RCC2: variants seen among roughly 807,000 people sequenced by gnomAD.
RCC2 encodes the protein regulator of chromosome condensation 2, also known as protein RCC2.
In RCC2, 19 loss-of-function variants were observed where a neutral mutation model predicts 64.1. That is an observed-to-expected ratio of 0.30 (90% CI 0.21 to 0.44). The LOEUF is 0.44. Among genes scored for constraint, RCC2 ranks in the 20% least tolerant of loss-of-function variants. The pLI, the probability that RCC2 is intolerant of heterozygous loss-of-function variation, is 1.00. For synonymous variants in RCC2, 325 were observed against 279.6 expected (o/e 1.16, Z -1.62); for missense variants, 508 against 710.4 (o/e 0.72, Z 3.24).
intron 7 of RCC2, among the ~76,000 whole-genome samples, chr1:17,420,027 G>C (rs1466096746): frequency 6.6e-6 from 1 of 152,216 alleles, no homozygotes; most frequent in South Asian, 2.1e-4. Flanking sequence ...GCGGCCAGCA[G>C]AGGGCGCCCG....
intron 2 of RCC2, among the ~76,000 whole-genome samples, chr1:17,433,398 C>T (rs12059385): frequency 3.9e-5 from 6 of 152,154 alleles, no homozygotes; most frequent in African/African-American, 7.2e-5. Flanking sequence ...GAGACTCCCG[C>T]GCTTGCGGGC....
At chr1:17,432,543 A>C (rs186243111) in intron 2 of RCC2, among the ~76,000 whole-genome samples, 1 of 152,348 alleles carries the variant, frequency 6.6e-6, no homozygotes, top group Admixed American at 6.5e-5. Flanking sequence ...GAACCATTGA[A>C]GTCAAACCAC....
rs779376729 is a variant in RCC2 at position 17,438,488 on chromosome 1, C to A, written c.27G>T (p.Ala9=). The change falls in exon 2 of 13, where the codon GCG becomes GCT. Residue 9 remains alanine, a synonymous_variant. Coordinates refer to ENST00000375436, the MANE Select transcript of RCC2 (RefSeq NM_018715.4). ...TGCCCGAGCTCGGCTCCTCCCAGGC[C>A]GCCGCCGCCGCCTTCTTCCTGGGCA... MPRKKAAA[A]AWEEPSSGNG... The A allele has an allele frequency of 1.7e-4, 221 of 1,334,100 alleles. No individual in the cohort carries two copies. Among genetic ancestry groups the A allele is most frequent in the Non-Finnish European group, 2.0e-4 (212 of 1,044,830 alleles). 82.6% of individuals were successfully genotyped at this position (1,334,100 alleles called of 1,614,324 possible).
intron 7 of RCC2, among the ~76,000 whole-genome samples, chr1:17,418,111 A>G (rs1000552759): frequency 1.3e-5 from 2 of 152,180 alleles, no homozygotes; most frequent in Non-Finnish European, 2.9e-5. Context: ...CCAGGTTACC[A>G]AGGAGCAACT....
chr1:17,433,347 T>C (rs1042129933), intron 2 of RCC2, among the ~76,000 whole-genome samples: 7 of 152,156 alleles, frequency 4.6e-5, no homozygotes, highest in African/African-American at 1.7e-4. Flanking sequence ...ACTTAAGGGG[T>C]GCTCCTCTTC....
chr1:17,421,435 C>T (rs1214611057), intron 6 of RCC2, among the ~76,000 whole-genome samples: 1 of 151,630 alleles, frequency 6.6e-6, no homozygotes, highest in Non-Finnish European at 1.5e-5. Flanking sequence ...GCAGAGGTTG[C>T]AGTGAGCTGA....
chr1:17,413,775 G>T, intron 8 of RCC2, 58 bp from the exon 9 acceptor site: 1 of 1,484,668 alleles, frequency 6.7e-7, no homozygotes, highest in South Asian at 1.2e-5. Flanking sequence ...GCAACAAGAG[G>T]GGTCATCGTT....
At chr1:17,430,251 T>G (rs908371333) in intron 2 of RCC2, among the ~76,000 whole-genome samples, 2 of 152,222 alleles carry the variant, frequency 1.3e-5, no homozygotes, top group African/African-American at 4.8e-5. Flanking sequence ...GCGCAATGGC[T>G]CACGCCTGTA....
chr1:17,425,768 T>G, intron 3 of RCC2, 84 bp from the exon 4 acceptor site: 1 of 1,428,676 alleles, frequency 7.0e-7, no homozygotes, highest in Non-Finnish European at 9.6e-7. Flanking sequence ...AGCAGCCACT[T>G]CCCGAGGGTA....
intron 11 of RCC2, among the ~76,000 whole-genome samples, chr1:17,410,261 G>A (rs1336164470): frequency 5.9e-5 from 9 of 152,292 alleles, no homozygotes; most frequent in East Asian, 5.8e-4. Context: ...GGCGACTAGC[G>A]CTTAACCTAA....
rs1314583050 is a variant in RCC2 at position 17,413,085 on chromosome 1, C to T, written c.1301G>A (p.Ser434Asn). 1 of 1,613,364 alleles carries T rather than the reference C, an allele frequency of 6.2e-7. No individual in the cohort carries two copies. The highest frequency in any genetic ancestry group is 2.2e-5 in the East Asian group (1 of 44,878). Residue 434 changes from serine (S) to asparagine (N), a missense_variant, in exon 10 of 13, where the codon AGC becomes AAC. Around this residue, in one of 4 missense-constraint regions of RCC2, gnomAD observed 179 missense variants for 322.0 expected, o/e 0.56. Coordinates refer to ENST00000375436, the MANE Select transcript of RCC2 (RefSeq NM_018715.4). ...TGCTGCCACCTACCCACAAGCCAGG[C>T]TCCGGATTCTCCAGCCGCAGAGGTC... ...VQDLCGWRIRSLACGKSSIIV... is the reference protein window; with the variant it reads ...VQDLCGWRIRNLACGKSSIIV...
intron 2 of RCC2, among the ~76,000 whole-genome samples, chr1:17,431,690 C>CTAT (rs1447611970): frequency 2.6e-5 from 4 of 151,720 alleles, no homozygotes; most frequent in Non-Finnish European, 5.9e-5. Context: ...CGACCCAAAC[C>CTAT]TGATTAGGGC....
chr1:17,428,983 G>T, intron 3 of RCC2, 123 bp downstream of exon 3: 2 of 764,564 alleles, frequency 2.6e-6, no homozygotes, highest in Non-Finnish European at 4.6e-6. Context: ...GTGGCCTCAG[G>T]CAAGTCACTT....
chr1:17,438,423 G>A lies in RCC2; in HGVS notation c.92C>T (p.Pro31Leu). Residue 31 changes from proline to leucine, a missense_variant, in exon 2 of 13, where the codon CCG becomes CTG. Around this residue, in one of 4 missense-constraint regions of RCC2, gnomAD observed 195 missense variants for 158.3 expected, o/e 1.23. Coordinates refer to ENST00000375436, the MANE Select transcript of RCC2 (RefSeq NM_018715.4). ...GGGCCGCTCGCGCTTCCTGCCCGCCGGGCCGCCGCGTTTCCTGGGCCCGGC... is the reference window on the plus strand; with the variant it reads ...GGGCCGCTCGCGCTTCCTGCCCGCCAGGCCGCCGCGTTTCCTGGGCCCGGC... ...ARAGPRKRGG[P>L]AGRKRERPER... 4.7e-6 allele frequency: 6 copies of A among 1,276,064 alleles called. No homozygotes were observed. Among genetic ancestry groups the A allele is most frequent in the Admixed American group, 4.2e-5 (1 of 23,940 alleles). The allele number at this position is 1,276,064 out of a possible 1,614,324, so 79.0% of individuals were successfully genotyped here.
At chr1:17,429,490 T>C (rs921714950) in intron 2 of RCC2, among the ~76,000 whole-genome samples, 4 of 151,824 alleles carry the variant, frequency 2.6e-5, no homozygotes, top group African/African-American at 9.7e-5. Flanking sequence ...AAAACCCAAA[T>C]ACATGCCTCC....
intron 1 of RCC2, among the ~76,000 whole-genome samples, chr1:17,439,307 G>C (rs574643701): frequency 4.0e-4 from 60 of 148,918 alleles, no homozygotes; most frequent in Non-Finnish European, 5.9e-4. Flanking sequence ...GCTCCCCGGC[G>C]TCCCTGCGCT....
chr1:17,409,488 T>TC (rs965542981), intron 12 of RCC2, among the ~76,000 whole-genome samples: 73 of 150,918 alleles, frequency 4.8e-4, no homozygotes, highest in African/African-American at 1.0e-3. Flanking sequence ...TCCACTTCCA[T>TC]CCCCCCCCTC....
In RCC2 at chr1:17,416,621, G is replaced by A. The variant is rs188700442; in HGVS notation, c.885C>T (p.Ile295=). ...QLGHNSDGKF[I]ARAQRIEYDC... is the part of the protein sequence containing the mutation. The stretch of plus-strand genomic sequence containing the variant: ...CGTACTCTATCCGCTGTGCCCGGGC[G>A]ATGAACTTCCCATCTGAGTTGTGTC... The change falls in exon 8 of 13, where the codon ATC becomes ATT. Residue 295 remains isoleucine, a synonymous_variant. Transcript: ENST00000375436. The A allele has an allele frequency of 8.1e-6, 13 of 1,613,444 alleles. No homozygotes were observed. In the East Asian group the frequency reaches 1.1e-4, roughly 14 times the overall value.
At chr1:17,431,359 A>ATAAATAT (rs1265674393) in intron 2 of RCC2, among the ~76,000 whole-genome samples, 1 of 44,938 alleles carries the variant, frequency 2.2e-5, no homozygotes, top group African/African-American at 1.1e-4. Flanking sequence ...AAAAAAAAAA[A>ATAAATAT]ATATATATAT....
Sources: allele counts gnomAD v4.1 joint callset (sites outside exome capture counted in the v4.1 genomes callset), GRCh38; gene constraint gnomAD v4.1.1; regional missense constraint gnomAD v4.1.1; transcripts MANE v1.5; gene names NCBI Gene and HGNC (gene_info 2026-07-23, HGNC 2026-07-21).